GABRR3: variants seen among roughly 807,000 people sequenced by gnomAD.
GABRR3 encodes gamma-aminobutyric acid receptor subunit rho-3.
In GABRR3, 29 loss-of-function variants were observed where a neutral mutation model predicts 43.2. The observed-to-expected ratio is 0.67, with a 90% CI of 0.50 to 0.92. The LOEUF (loss-of-function observed/expected upper bound fraction) is 0.92. Among genes scored for constraint, GABRR3 ranks in the 40% least tolerant of loss-of-function variants. The pLI, the probability that GABRR3 is intolerant of heterozygous loss-of-function variation, is 0.00. For synonymous variants in GABRR3, 206 were observed against 195.9 expected (o/e 1.05, Z -0.43); for missense variants, 576 against 572.3 (o/e 1.01, Z -0.07).
chr3:97,986,906 A>G, exon 10 of GABRR3: 1 of 1,611,934 alleles, frequency 6.2e-7, no homozygotes, highest in Admixed American at 1.7e-5. Flanking sequence ...AGTCTGGTCC[A>G]TGTCAATCTC....
At chr3:97,990,192 A>C (rs968477052) in intron 9 of GABRR3, among the ~76,000 whole-genome samples, 1 of 152,174 alleles carries the variant, frequency 6.6e-6, no homozygotes, top group African/African-American at 2.4e-5. Flanking sequence ...CAAAGTTTTT[A>C]CGCCCTTTTA....
chr3:98,014,626 G>A (rs974395134), intron 4 of GABRR3, among the ~76,000 whole-genome samples: 9 of 152,278 alleles, frequency 5.9e-5, no homozygotes, highest in Non-Finnish European at 1.2e-4. Flanking sequence ...TAATGATAAG[G>A]ATGAGGCAGA....
At chr3:98,025,519 T>G (rs1707001380) in intron 3 of GABRR3, 48 bp downstream of exon 3, 1 of 1,253,004 alleles carries the variant, frequency 8.0e-7, no homozygotes, top group Admixed American at 2.4e-5. Context: ...ACCTCCATTT[T>G]GACAGTGCAA....
At chr3:98,010,421 C>A (rs1706775216) in intron 5 of GABRR3, among the ~76,000 whole-genome samples, 1 of 152,174 alleles carries the variant, frequency 6.6e-6, no homozygotes, top group Admixed American at 6.5e-5. Context: ...ATAGTAATGA[C>A]TGACCACCCA....
intron 2 of GABRR3, among the ~76,000 whole-genome samples, chr3:98,027,388 T>C (rs1707032461): frequency 6.6e-6 from 1 of 152,194 alleles, no homozygotes; most frequent in South Asian, 2.1e-4. Flanking sequence ...TTAAGAAAAA[T>C]GGAAATGTAA....
intron 2 of GABRR3, among the ~76,000 whole-genome samples, chr3:98,026,550 C>G (rs1382663838): frequency 6.6e-6 from 1 of 152,016 alleles, no homozygotes; most frequent in Non-Finnish European, 1.5e-5. Context: ...CAACTTGCAG[C>G]AGCCTTCAGC....
rs1576039199 is a variant in GABRR3 at position 98,001,317 on chromosome 3, G to T, written c.907+298C>A. 1.6e-5 allele frequency: 5 copies of T among 320,730 alleles called. No homozygotes were observed. The East Asian group carries it at 2.6e-4, about 17-fold the overall frequency. The allele number at this position is 320,730 out of a possible 1,614,324, so 19.9% of individuals were successfully genotyped here. On this transcript the variant is annotated intron_variant, in intron 8 of 9. Coordinates refer to ENST00000621172, the Ensembl canonical transcript of GABRR3. ...GGAGGTTTTCTTAAAAAAGAAAAGA[G>T]ATAAGCTTTAAAAGTGAGGCTGTTT...
At chr3:98,019,468 C>A (rs1706911505) in intron 3 of GABRR3, among the ~76,000 whole-genome samples, 2 of 152,160 alleles carry the variant, frequency 1.3e-5, no homozygotes, top group South Asian at 4.1e-4. Context: ...GGTGGCCAGG[C>A]ACAGGGATGG....
At chr3:98,026,602 G>GTCATCATCATCATCATTATCA (rs1553720236) in intron 2 of GABRR3, among the ~76,000 whole-genome samples, 1 of 101,528 alleles carries the variant, frequency 9.8e-6, no homozygotes, top group Non-Finnish European at 2.3e-5. Flanking sequence ...AAAGGTGGCT[G>GTCATCATCATCATCATTATCA]TCATCATCAT....
chr3:98,004,349 C>A (rs531811830), intron 7 of GABRR3, among the ~76,000 whole-genome samples: 1 of 151,906 alleles, frequency 6.6e-6, no homozygotes, highest in Non-Finnish European at 1.5e-5. Context: ...ATTATGAAAC[C>A]CATTTAAAGA....
chr3:98,022,965 G>A (rs986509350), intron 3 of GABRR3, among the ~76,000 whole-genome samples: 4 of 152,156 alleles, frequency 2.6e-5, no homozygotes, highest in African/African-American at 9.7e-5. Flanking sequence ...GGGAGGACGA[G>A]GTAGGGATGG....
chr3:98,032,631 A>T (rs1483597180), intron 2 of GABRR3, among the ~76,000 whole-genome samples: 1 of 152,230 alleles, frequency 6.6e-6, no homozygotes, highest in Non-Finnish European at 1.5e-5. Flanking sequence ...TTTAGGAAAC[A>T]AAAGATATGT....
At chr3:98,032,684 G>A (rs563516675) in intron 2 of GABRR3, among the ~76,000 whole-genome samples, 3 of 151,962 alleles carry the variant, frequency 2.0e-5, no homozygotes, top group Non-Finnish European at 4.4e-5. Context: ...TTGAAAGAAG[G>A]GAATCTCTGG....
intron 3 of GABRR3, among the ~76,000 whole-genome samples, chr3:98,021,540 G>A (rs970693524): frequency 1.3e-5 from 2 of 152,124 alleles, no homozygotes; most frequent in Non-Finnish European, 2.9e-5. Flanking sequence ...AGCTTGTCAA[G>A]TCCTTAGCCT....
At chr3:98,028,563 A>G (rs763344452) in intron 2 of GABRR3, among the ~76,000 whole-genome samples, 5 of 152,168 alleles carry the variant, frequency 3.3e-5, no homozygotes, top group Non-Finnish European at 7.3e-5. Context: ...GTACCCAGGA[A>G]CTTTTTACAC....
chr3:97,986,876 T>A (rs1157335869), exon 10 of GABRR3: 1 of 1,611,952 alleles, frequency 6.2e-7, no homozygotes, highest in African/African-American at 1.3e-5. Context: ...CATGAAGTCT[T>A]CTGAGTTTAG....
chr3:97,995,448 C>CTAT (rs1706523417), intron 8 of GABRR3, among the ~76,000 whole-genome samples: 1 of 151,880 alleles, frequency 6.6e-6, no homozygotes, highest in Non-Finnish European at 1.5e-5. Flanking sequence ...TTGATAACTA[C>CTAT]TGGGCAAATA....
At chr3:98,004,678 G>GAAA (rs796540359) in intron 7 of GABRR3, among the ~76,000 whole-genome samples, 1 of 125,924 alleles carries the variant, frequency 7.9e-6, no homozygotes, top group African/African-American at 3.0e-5. Flanking sequence ...TGAAGGCCAA[G>GAAA]AAAAAAAAAA....
chr3:98,017,118 TTTTAGA>T (rs1430977279), intron 4 of GABRR3, among the ~76,000 whole-genome samples: 10 of 152,190 alleles, frequency 6.6e-5, no homozygotes, highest in African/African-American at 2.4e-4. Context: ...TGGCAGTCTT[TTTTAGA>T]TTTCTAGAAA....
Sources: allele counts gnomAD v4.1 joint callset (sites outside exome capture counted in the v4.1 genomes callset), GRCh38; gene constraint gnomAD v4.1.1; transcripts MANE v1.5; gene names NCBI Gene and HGNC (gene_info 2026-07-23, HGNC 2026-07-21).